Variants in NTM observed in about 807,000 individuals in gnomAD.
The protein encoded by NTM is neurotrimin, also known as IgLON family member 2.
In NTM, 13 loss-of-function variants were observed where a neutral mutation model predicts 42.1. That is an observed-to-expected ratio of 0.31 (90% CI 0.20 to 0.49). The LOEUF (loss-of-function observed/expected upper bound fraction) is 0.49. Ranked by LOEUF, NTM falls within the 20% of genes least tolerant of loss-of-function variation. The pLI, the probability that NTM is intolerant of heterozygous loss-of-function variation, is 0.99. For missense variants in NTM, 373 were observed against 452.8 expected (o/e 0.82, Z 1.60); for synonymous variants, 187 against 179.2 (o/e 1.04, Z -0.35).
chr11:131,950,388 C>T (rs993579738), intron 2 of NTM, among the ~76,000 whole-genome samples: 2 of 152,186 alleles, frequency 1.3e-5, no homozygotes, highest in Non-Finnish European at 2.9e-5. Flanking sequence ...TCCATCTTAC[C>T]TCCACTATCT....
intron 2 of NTM, among the ~76,000 whole-genome samples, chr11:131,960,892 G>A (rs183141871): frequency 1.7e-3 from 261 of 152,262 alleles, no homozygotes; most frequent in Middle Eastern, 3.4e-3. Flanking sequence ...GTGCAGGAGG[G>A]TCAATATTGC....
At chr11:131,565,773 C>T (rs541106938) in intron 1 of NTM, among the ~76,000 whole-genome samples, 2 of 152,296 alleles carry the variant, frequency 1.3e-5, no homozygotes, top group Admixed American at 1.3e-4. Context: ...GACTTCTGAA[C>T]ACCCTGGACC....
intron 1 of NTM, among the ~76,000 whole-genome samples, chr11:131,561,187 C>A (rs2056188656): frequency 6.6e-6 from 1 of 152,184 alleles, no homozygotes; most frequent in Admixed American, 6.5e-5. Flanking sequence ...CCCAACATGT[C>A]CAAGTTTCCT....
At chr11:131,406,530 G>A (rs1945828333) in intron 1 of NTM, among the ~76,000 whole-genome samples, 1 of 152,030 alleles carries the variant, frequency 6.6e-6, no homozygotes. Context: ...GAAACTCTTG[G>A]ATAACACCAA....
At chr11:132,323,699 C>G (rs1460757676) in intron 7 of NTM, among the ~76,000 whole-genome samples, 4 of 152,024 alleles carry the variant, frequency 2.6e-5, no homozygotes, top group Admixed American at 2.6e-4. Flanking sequence ...ATTCTGATAC[C>G]AAAGCTGGGC....
intron 1 of NTM, among the ~76,000 whole-genome samples, chr11:131,874,035 AT>A (rs66538523): frequency 0.2 from 3,590 of 17,740 alleles, 321 homozygotes; most frequent in African/African-American, 0.44. Context: ...AATATAATAT[AT>A]ATATATATAT....
chr11:131,789,609 A>AGAG (rs2090403352), intron 1 of NTM, among the ~76,000 whole-genome samples: 1 of 85,822 alleles, frequency 1.2e-5, no homozygotes, highest in African/African-American at 5.2e-5. Flanking sequence ...AAGAAGAAGA[A>AGAG]GAAGAAGAAG....
chr11:131,838,620 C>G (rs1477740399), intron 1 of NTM, among the ~76,000 whole-genome samples: 1 of 152,070 alleles, frequency 6.6e-6, no homozygotes, highest in East Asian at 1.9e-4. Flanking sequence ...AAATATGGAA[C>G]AGAGGGAGAA....
chr11:132,270,427 C>T (rs1179982859), intron 4 of NTM, among the ~76,000 whole-genome samples: 1 of 151,928 alleles, frequency 6.6e-6, no homozygotes, highest in Non-Finnish European at 1.5e-5. Flanking sequence ...CGGGGTTTCA[C>T]CATGTTAGCC....
At chr11:132,181,823 A>G (rs927812253) in intron 3 of NTM, among the ~76,000 whole-genome samples, 13 of 152,054 alleles carry the variant, frequency 8.5e-5, no homozygotes, top group African/African-American at 3.1e-4. Flanking sequence ...ATTTTTAACT[A>G]TGTATGCAAA....
intron 1 of NTM, among the ~76,000 whole-genome samples, chr11:131,727,294 T>C (rs377369397): frequency 6.6e-6 from 1 of 152,198 alleles, no homozygotes; most frequent in East Asian, 1.9e-4. Context: ...TGTAGCATAA[T>C]CAAAAGTATT....
chr11:131,894,886 T>C (rs1280311184), intron 1 of NTM, among the ~76,000 whole-genome samples: 2 of 152,164 alleles, frequency 1.3e-5, no homozygotes, highest in Non-Finnish European at 2.9e-5. Context: ...TAAGACAATG[T>C]TCTGTTGAAA....
At chr11:132,314,851 AAGAAATGG>A in intron 7 of NTM, 148 bp downstream of exon 7, 2 of 1,392,906 alleles carry the variant, frequency 1.4e-6, no homozygotes, top group Non-Finnish European at 1.9e-6. Context: ...GAGACACAGA[AAGAAATGG>A]AGAGAGAGGG....
chr11:131,874,059 A>C (rs1331737157), intron 1 of NTM, among the ~76,000 whole-genome samples: 2 of 102,868 alleles, frequency 1.9e-5, no homozygotes, highest in Non-Finnish European at 3.9e-5. Flanking sequence ...ATATATATAT[A>C]TATATATATC....
At chr11:132,130,753 C>T (rs1023854516) in intron 2 of NTM, among the ~76,000 whole-genome samples, 3 of 152,144 alleles carry the variant, frequency 2.0e-5, no homozygotes, top group African/African-American at 2.4e-5. Context: ...ATGGAGTTGC[C>T]GGCAGCAGAC....
intron 4 of NTM, among the ~76,000 whole-genome samples, chr11:132,229,903 C>T (rs1295674507): frequency 6.6e-6 from 1 of 152,198 alleles, no homozygotes; most frequent in Non-Finnish European, 1.5e-5. Flanking sequence ...CCTAAAAATT[C>T]CACTGTACAG....
chr11:132,068,929 T>G (rs1455943459), intron 2 of NTM, among the ~76,000 whole-genome samples: 1 of 152,248 alleles, frequency 6.6e-6, no homozygotes, highest in African/African-American at 2.4e-5. Flanking sequence ...CTCTTTTATT[T>G]AAAACCAATT....
At chr11:131,734,207 G>C (rs2080112215) in intron 1 of NTM, among the ~76,000 whole-genome samples, 1 of 152,074 alleles carries the variant, frequency 6.6e-6, no homozygotes, top group Non-Finnish European at 1.5e-5. Context: ...CCCTGAAGCT[G>C]AGTTCCTAGG....
chr11:131,463,865 G>C (rs1951639276), intron 1 of NTM, among the ~76,000 whole-genome samples: 1 of 152,236 alleles, frequency 6.6e-6, no homozygotes, highest in South Asian at 2.1e-4. Context: ...GAGAGGATGG[G>C]GCCTGGAGGC....
Sources: gnomAD v4.1 joint callset for allele counts (sites outside exome capture counted in the v4.1 genomes callset) on GRCh38, gnomAD v4.1.1 for gene constraint, MANE v1.5 for transcripts, NCBI Gene and HGNC (gene_info 2026-07-23, HGNC 2026-07-21) for gene names.